Variants in OR2L13 observed in about 807,000 individuals in gnomAD.
OR2L13 encodes the protein olfactory receptor 2L13.
OR2L13 carries 14 observed loss-of-function variants against 15.3 expected under a neutral mutation model. The ratio of observed to expected loss-of-function variants is 0.91; its 90% CI spans 0.60 to 1.43. The LOEUF (loss-of-function observed/expected upper bound fraction) is 1.43. Among genes scored for constraint, OR2L13 ranks in the 40% most tolerant of loss-of-function variants. The pLI is 0.00. For synonymous variants in OR2L13, 152 were observed against 142.9 expected (o/e 1.06, Z -0.45); for missense variants, 367 against 387.9 (o/e 0.95, Z 0.45).
the OR2L13 span, among the ~76,000 whole-genome samples, chr1:248,071,171 C>A: frequency 6.6e-6 from 1 of 151,902 alleles, no homozygotes; most frequent in Non-Finnish European, 1.5e-5. Context: ...GAGACACAAC[C>A]GAAAAAGAGA....
the OR2L13 span, chr1:248,029,277 CAAAT>C: frequency 6.6e-6 from 1 of 152,086 alleles, no homozygotes; most frequent in African/African-American, 2.4e-5. Flanking sequence ...CATAATGTGT[CAAAT>C]AATTTAACAA....
the OR2L13 span, chr1:247,990,709 T>C: frequency 2.6e-6 from 4 of 1,550,568 alleles, no homozygotes; most frequent in Non-Finnish European, 3.6e-6. Context: ...AACAGGATCT[T>C]GGATGATAGG....
chr1:248,042,988 G>A, the OR2L13 span, among the ~76,000 whole-genome samples: 2 of 152,120 alleles, frequency 1.3e-5, no homozygotes, highest in African/African-American at 4.8e-5. Context: ...ACACTAGTAA[G>A]GTCTGAAAAT....
the OR2L13 span, chr1:247,990,691 C>G: frequency 1.4e-5 from 21 of 1,533,962 alleles, no homozygotes; most frequent in Admixed American, 8.4e-5. Context: ...AGTGTGTGCA[C>G]TGATGATAAC....
At chr1:247,937,528 A>G in the OR2L13 span, 1 of 154,862 alleles carries the variant, frequency 6.5e-6, no homozygotes, top group Non-Finnish European at 1.4e-5. Flanking sequence ...CCCCTCAGCT[A>G]CGGGGCTGGT....
the OR2L13 span, chr1:247,965,110 A>G: frequency 6.1e-6 from 2 of 328,498 alleles, no homozygotes; most frequent in African/African-American, 4.3e-5. Flanking sequence ...AAGTTATCTC[A>G]TGTATGTTTG....
exon 3 of OR2L13, chr1:248,100,965 T>C (rs1244315999): frequency 1.9e-5 from 3 of 155,078 alleles, no homozygotes; most frequent in Non-Finnish European, 2.9e-5. Flanking sequence ...TTTTAGCATA[T>C]GCACATTTAT....
At chr1:247,983,012 T>C in the OR2L13 span, among the ~76,000 whole-genome samples, 1 of 152,162 alleles carries the variant, frequency 6.6e-6, no homozygotes, top group African/African-American at 2.4e-5. Context: ...AATGTTTATT[T>C]TTATATATAA....
chr1:247,944,478 G>T, the OR2L13 span, among the ~76,000 whole-genome samples: 1 of 151,932 alleles, frequency 6.6e-6, no homozygotes, highest in Admixed American at 6.6e-5. Flanking sequence ...CCCCCAACAG[G>T]CCCCAGTAAG....
the OR2L13 span, among the ~76,000 whole-genome samples, chr1:248,008,015 G>A: frequency 6.6e-6 from 1 of 152,078 alleles, no homozygotes; most frequent in African/African-American, 2.4e-5. Context: ...AGAAATTTTG[G>A]TTAACATTAG....
chr1:248,028,131 A>T, the OR2L13 span, among the ~76,000 whole-genome samples: 2 of 109,560 alleles, frequency 1.8e-5, no homozygotes, highest in African/African-American at 7.8e-5. Flanking sequence ...ACAGAGCGAG[A>T]TTCCGTCTCA....
At chr1:248,018,087 G>A in the OR2L13 span, among the ~76,000 whole-genome samples, 6 of 149,466 alleles carry the variant, frequency 4.0e-5, no homozygotes, top group South Asian at 2.1e-4. Flanking sequence ...CCCGGGAGGC[G>A]GAGCTTGCAG....
the OR2L13 span, chr1:248,038,409 A>T: frequency 1.9e-6 from 3 of 1,613,718 alleles, no homozygotes; most frequent in Non-Finnish European, 2.5e-6. Context: ...GATTCTTCTC[A>T]TCTTTTTGGA....
the OR2L13 span, among the ~76,000 whole-genome samples, chr1:248,034,248 A>G: frequency 0.17 from 25,910 of 152,026 alleles, 2,414 homozygotes; most frequent in East Asian, 0.32. Context: ...ACAACCTACA[A>G]ATTCAATGTA....
chr1:248,044,118 C>A, the OR2L13 span, among the ~76,000 whole-genome samples: 1 of 152,088 alleles, frequency 6.6e-6, no homozygotes, highest in African/African-American at 2.4e-5. Flanking sequence ...TGCAGCCCAG[C>A]AAGTCCCCGG....
the OR2L13 span, among the ~76,000 whole-genome samples, chr1:248,043,029 T>C: frequency 6.6e-6 from 1 of 152,156 alleles, no homozygotes; most frequent in Admixed American, 6.6e-5. Flanking sequence ...CAATATGTGC[T>C]TGATAATGAG....
chr1:248,042,677 A>G, the OR2L13 span, among the ~76,000 whole-genome samples: 1 of 152,094 alleles, frequency 6.6e-6, no homozygotes, highest in Non-Finnish European at 1.5e-5. Flanking sequence ...AGCAACTGCA[A>G]GTTAACTTAG....
At chr1:248,052,972 A>G in the OR2L13 span, among the ~76,000 whole-genome samples, 1 of 151,112 alleles carries the variant, frequency 6.6e-6, no homozygotes, top group African/African-American at 2.4e-5. Flanking sequence ...TTTAAGTTCC[A>G]GGGTATATGT....
chr1:247,965,354 C>T, the OR2L13 span: 1 of 1,596,148 alleles, frequency 6.3e-7, no homozygotes, highest in Non-Finnish European at 8.5e-7. Flanking sequence ...GATGTCATCT[C>T]CTTTGATATT....
Sources: allele counts gnomAD v4.1 joint callset (sites outside exome capture counted in the v4.1 genomes callset), GRCh38; gene constraint gnomAD v4.1.1; transcripts MANE v1.5; gene names NCBI Gene and HGNC (gene_info 2026-07-23, HGNC 2026-07-21).